The following NIN variants were observed in gnomAD, a reference collection of about 807,000 sequenced individuals.
The protein encoded by NIN is glycogen synthase kinase 3 beta-interacting protein.
Under a neutral mutation model 257.6 loss-of-function variants are expected in NIN, and 137 were observed. The ratio of observed to expected loss-of-function variants is 0.53; its 90% CI spans 0.46 to 0.61. The LOEUF (loss-of-function observed/expected upper bound fraction) is 0.61, where lower values mean the gene tolerates loss of function less well. Among genes scored for constraint, NIN ranks in the 20% least tolerant of loss-of-function variants. The pLI is 0.00. For synonymous variants in NIN, 918 were observed against 919.8 expected (o/e 1.00, Z 0.04); for missense variants, 2,439 against 2,501.2 (o/e 0.98, Z 0.53).
intron 3 of NIN, among the ~76,000 whole-genome samples, chr14:50,807,528 C>T (rs989668188): frequency 4.6e-5 from 7 of 152,140 alleles, no homozygotes; most frequent in African/African-American, 1.7e-4. Flanking sequence ...TATTCTATAA[C>T]TTAGATGTAT....
At chr14:50,815,283 G>A (rs1357468508) in intron 3 of NIN, among the ~76,000 whole-genome samples, 1 of 152,066 alleles carries the variant, frequency 6.6e-6, no homozygotes, top group African/African-American at 2.4e-5. Flanking sequence ...CAATAAACAC[G>A]AAAAAAAGCT....
At chr14:50,825,299 G>A (rs1337521389) in intron 2 of NIN, among the ~76,000 whole-genome samples, 3 of 152,190 alleles carry the variant, frequency 2.0e-5, no homozygotes, top group African/African-American at 4.8e-5. Context: ...AATGGGCAGG[G>A]AGTGTACTAT....
chr14:50,752,410 T>A, intron 21 of NIN, 108 bp downstream of exon 21: 1 of 807,454 alleles, frequency 1.2e-6, no homozygotes, highest in Non-Finnish European at 2.0e-6. Flanking sequence ...GCCAGGACCA[T>A]ACTGTTTTAA....
intron 3 of NIN, among the ~76,000 whole-genome samples, chr14:50,811,861 G>T (rs1039333822): frequency 1.3e-5 from 2 of 152,064 alleles, no homozygotes; most frequent in African/African-American, 4.8e-5. Flanking sequence ...AGGCGTGGTG[G>T]CGGGCGCCTG....
chr14:50,770,943 G>T lies in NIN; in HGVS notation c.1168C>A (p.Leu390Met). ...GACTTGAGCTTCTCGGCCTTGTCCA[G>T]ATCTGACCGTAGCTTCTCTTTTTCT... Reference protein sequence around the residue: ...VREKEKLRSDLDKAEKLKSLM... With the variant: ...VREKEKLRSDMDKAEKLKSLM... The change falls in exon 11 of 31, where the codon CTG (leucine) becomes ATG (methionine). Residue 390 changes from leucine to methionine, a missense_variant. Coordinates refer to ENST00000530997, the MANE Select transcript of NIN (RefSeq NM_020921.4). The T allele has an allele frequency of 3.7e-6, 6 of 1,614,182 alleles. No homozygotes were observed. The highest frequency in any genetic ancestry group is 4.2e-6 in the Non-Finnish European group (5 of 1,180,014).
chr14:50,763,115 T>C (rs968459259), intron 15 of NIN, among the ~76,000 whole-genome samples: 10 of 151,956 alleles, frequency 6.6e-5, no homozygotes, highest in African/African-American at 2.4e-4. Context: ...ATAAACAACC[T>C]GTGTAAGAAC....
intron 5 of NIN, among the ~76,000 whole-genome samples, chr14:50,779,810 A>G (rs2141897149): frequency 6.6e-6 from 1 of 152,360 alleles, no homozygotes; most frequent in East Asian, 1.9e-4. Context: ...CTGCTGAAGC[A>G]AGGAGGCAAG....
In NIN at chr14:50,767,560, G is replaced by C. The variant is rs144556553; in HGVS notation, c.1435-670C>G. ...AGGCCAGGCATAGTGGCTCACGCCT[G>C]TAATCCCAGCACTTTGGGAGGCCAA... On this transcript the variant is annotated intron_variant, in intron 12 of 30. Coordinates refer to ENST00000530997, the MANE Select transcript of NIN (RefSeq NM_020921.4). Among the ~76,000 whole-genome samples, 808 of 152,246 alleles carry C rather than the reference G, an allele frequency of 5.3e-3. 4 individuals carry two copies. The highest frequency in any genetic ancestry group is 0.018 in the African/African-American group (760 of 41,494).
At chr14:50,725,187 T>C (rs76571765) in intron 30 of NIN, among the ~76,000 whole-genome samples, 1 of 152,146 alleles carries the variant, frequency 6.6e-6, no homozygotes, top group African/African-American at 2.4e-5. Flanking sequence ...TCTCTTGGGG[T>C]TGTTATTCTT....
intron 26 of NIN, 93 bp downstream of exon 26, chr14:50,739,215 C>A: frequency 2.4e-6 from 3 of 1,246,668 alleles, no homozygotes; most frequent in Non-Finnish European, 3.5e-6. Context: ...CAAATCCATA[C>A]CTTAGAACCA....
At chr14:50,734,568 T>C (rs758264621) in intron 28 of NIN, among the ~76,000 whole-genome samples, 6 of 152,272 alleles carry the variant, frequency 3.9e-5, no homozygotes, top group Non-Finnish European at 7.3e-5. Context: ...TTAAGAAGGA[T>C]GTACACATAA....
intron 21 of NIN, among the ~76,000 whole-genome samples, chr14:50,749,706 G>A (rs2041706729): frequency 6.6e-6 from 1 of 151,806 alleles, no homozygotes; most frequent in South Asian, 2.1e-4. Flanking sequence ...TTTTTTGGTG[G>A]GGAGATAAGG....
intron 4 of NIN, among the ~76,000 whole-genome samples, chr14:50,797,691 A>C (rs1420088185): frequency 6.6e-6 from 1 of 152,214 alleles, no homozygotes; most frequent in African/African-American, 2.4e-5. Context: ...AAATAAGAGA[A>C]GGGAAGAAAA....
intron 22 of NIN, among the ~76,000 whole-genome samples, chr14:50,746,953 C>T (rs1170670853): frequency 6.6e-6 from 1 of 152,132 alleles, no homozygotes; most frequent in Non-Finnish European, 1.5e-5. Context: ...GCTTGACTTC[C>T]CGAGCTCAGG....
chr14:50,730,542 G>A (rs1209698821), intron 28 of NIN, among the ~76,000 whole-genome samples: 2 of 151,490 alleles, frequency 1.3e-5, no homozygotes, highest in Admixed American at 6.6e-5. Flanking sequence ...TCTAAGACTC[G>A]GCTATAACTA....
At chr14:50,723,752 C>G in intron 30 of NIN, 80 bp from the exon 31 acceptor site, 1 of 1,228,278 alleles carries the variant, frequency 8.1e-7, no homozygotes, top group Non-Finnish European at 1.2e-6. Context: ...GACATAAGGA[C>G]AGTTGTTTTA....
At chr14:50,768,138 G>T (rs1286488259) in intron 12 of NIN, among the ~76,000 whole-genome samples, 2 of 150,070 alleles carry the variant, frequency 1.3e-5, no homozygotes, top group Non-Finnish European at 3.0e-5. Context: ...AGTGTTAAAG[G>T]CTGATTGGAA....
chr14:50,780,937 G>C (rs2043111248), intron 5 of NIN, among the ~76,000 whole-genome samples: 1 of 152,086 alleles, frequency 6.6e-6, no homozygotes. Flanking sequence ...AGGCATGGTG[G>C]GGATGGGGAG....
intron 25 of NIN, among the ~76,000 whole-genome samples, chr14:50,740,029 T>A (rs938946380): frequency 1.3e-5 from 2 of 152,144 alleles, no homozygotes; most frequent in African/African-American, 4.8e-5. Flanking sequence ...AAATGTGCTT[T>A]CAGCTACCAA....
Sources: allele counts gnomAD v4.1 joint callset (sites outside exome capture counted in the v4.1 genomes callset), GRCh38; gene constraint gnomAD v4.1.1; transcripts MANE v1.5; gene names NCBI Gene and HGNC (gene_info 2026-07-23, HGNC 2026-07-21).